Variants in PLOD1 observed in about 807,000 individuals in gnomAD.
PLOD1 encodes lysine hydroxylase.
Under a neutral mutation model 94.7 loss-of-function variants are expected in PLOD1, and 70 were observed. The observed-to-expected ratio is 0.74, with a 90% CI of 0.61 to 0.90. The LOEUF (loss-of-function observed/expected upper bound fraction) is 0.90, where lower values mean the gene tolerates loss of function less well. Ranked by LOEUF, PLOD1 falls within the 40% of genes least tolerant of loss-of-function variation. PLOD1 has a pLI of 0.00. For synonymous variants in PLOD1, 417 were observed against 400.2 expected, an observed-to-expected ratio of 1.04 and a Z score of -0.50; for missense variants, 905 against 972.7, an observed-to-expected ratio of 0.93 and a Z score of 0.93.
chr1:11,947,085 A>G (rs908371913), intron 1 of PLOD1, among the ~76,000 whole-genome samples: 3 of 151,832 alleles, frequency 2.0e-5, no homozygotes, highest in African/African-American at 7.2e-5. Flanking sequence ...CCTGGCCAAC[A>G]TGATGAAACC....
chr1:11,949,447 T>A (rs956421482), intron 2 of PLOD1, among the ~76,000 whole-genome samples: 1 of 151,644 alleles, frequency 6.6e-6, no homozygotes, highest in African/African-American at 2.4e-5. Flanking sequence ...TGAGACGGAG[T>A]GTTGCTCTGT....
Position 11,966,998 on chromosome 1 carries a change from T to G in PLOD1, c.1662T>G (p.Asp554Glu). The G allele has an allele frequency of 6.2e-7, 1 of 1,611,288 alleles. No individual in the cohort carries two copies. Residue 554 changes from aspartate (D) to glutamate (E), a missense_variant, in exon 16 of 19, where the codon GAT becomes GAG. Asp to Glu is a conservative substitution (Grantham distance 45). Coordinates refer to ENST00000196061, the MANE Select transcript of PLOD1 (RefSeq NM_000302.4). ...AGKLVETPCP[D>E]VYWFPIFTEV... ...CCTGCCCTCCCCAGCCCTGCCCGGA[T>G]GTCTATTGGTTCCCCATCTTCACGG...
intron 18 of PLOD1, among the ~76,000 whole-genome samples, chr1:11,973,590 TC>T (rs1194524271): frequency 2.4e-3 from 365 of 152,026 alleles, no homozygotes; most frequent in African/African-American, 8.3e-3. Context: ...CTTTTTTTTT[TC>T]TTTTTCGAGA....
At position 11,945,425 on chromosome 1, in the gene PLOD1, C is replaced by CAA. The variant is rs58172342; in HGVS notation, c.77-2541_77-2540dup. Among the ~76,000 whole-genome samples the CAA allele has an allele frequency of 1.0e-3, 151 of 144,900 alleles. 2 individuals are homozygous for CAA. The highest frequency in any genetic ancestry group is 7.1e-3 in the Middle Eastern group (2 of 282). On this transcript the variant is annotated intron_variant, in intron 1 of 18. Transcript: ENST00000196061. ...GGGCAACGGGAGTGAGATTGGGTCT[C>CAA]AAAAAAAAAAACCCAAAAAACAAAA...
chr1:11,967,875 G>A (rs980063647), intron 16 of PLOD1, among the ~76,000 whole-genome samples: 3 of 150,702 alleles, frequency 2.0e-5, no homozygotes, highest in African/African-American at 7.3e-5. Flanking sequence ...TCAGCTTGCC[G>A]AGTAGCTGGG....
intron 16 of PLOD1, among the ~76,000 whole-genome samples, chr1:11,968,201 A>T (rs1030353519): frequency 4.6e-5 from 7 of 151,932 alleles, no homozygotes; most frequent in African/African-American, 1.7e-4. Context: ...TAAGCTACCC[A>T]CCTCGGCCTC....
intron 1 of PLOD1, among the ~76,000 whole-genome samples, chr1:11,945,815 TCTC>T (rs1645650346): frequency 1.3e-5 from 2 of 152,132 alleles, no homozygotes; most frequent in South Asian, 2.1e-4. Flanking sequence ...TTCAAGCAAT[TCTC>T]CTGTCTCAGC....
intron 1 of PLOD1, among the ~76,000 whole-genome samples, chr1:11,941,340 T>C (rs1039018872): frequency 2.0e-5 from 3 of 147,978 alleles, no homozygotes; most frequent in South Asian, 2.1e-4. Flanking sequence ...ATGTTGCTGC[T>C]TTTTTTTTTG....
chr1:11,950,289 T>A, intron 3 of PLOD1, 68 bp from the exon 4 acceptor site: 3 of 1,483,856 alleles, frequency 2.0e-6, no homozygotes, highest in Non-Finnish European at 2.8e-6. Flanking sequence ...TGGTCCCTCC[T>A]GTCTGTGCCC....
chr1:11,953,915 T>C (rs949212588), intron 5 of PLOD1, among the ~76,000 whole-genome samples: 1 of 151,556 alleles, frequency 6.6e-6, no homozygotes, highest in Non-Finnish European at 1.5e-5. Context: ...CCCAGGCTGA[T>C]GCGCAGTGGC....
chr1:11,945,709 A>T (rs1645648569), intron 1 of PLOD1, among the ~76,000 whole-genome samples: 1 of 151,810 alleles, frequency 6.6e-6, no homozygotes, highest in Non-Finnish European at 1.5e-5. Flanking sequence ...ATTTTTATTT[A>T]TTTTTATTTT....
In PLOD1 at chr1:11,957,841, G is replaced by A. The variant is rs1645749557; in HGVS notation, c.742-1G>A. The A allele has an allele frequency of 6.2e-7, 1 of 1,611,700 alleles. No homozygotes were observed. Among genetic ancestry groups the A allele is most frequent in the South Asian group, 1.1e-5 (1 of 91,046 alleles). On this transcript the variant is annotated splice_acceptor_variant, in intron 7 of 18. Transcript: ENST00000196061. LOFTEE classifies it high-confidence loss of function. This position sits in a 1 kb window ranked among gnomAD's most constrained non-coding sequence, Gnocchi z 4.1. ...TCTGTGACCCCACGTCTCCCCGACAGCTGCAGTTGAACTACCTGGGCAACT... is the reference window on the plus strand; with the variant it reads ...TCTGTGACCCCACGTCTCCCCGACAACTGCAGTTGAACTACCTGGGCAACT...
Position 11,958,007 on chromosome 1 carries a change from A to T in PLOD1, c.843+64A>T. ...GGGCTCAGTCCCCTGAGATGGCGAG[A>T]TGGGTGATTCTGGAATAGACTCCAT... On this transcript the variant is annotated intron_variant, in intron 8 of 18. Coordinates refer to ENST00000196061, the MANE Select transcript of PLOD1 (RefSeq NM_000302.4). The surrounding 1 kb of genome is among the most constrained non-coding windows in gnomAD (Gnocchi z 4.3). 4 of 1,030,668 alleles carry T rather than the reference A, an allele frequency of 3.9e-6. No individual in the cohort carries two copies. Among genetic ancestry groups the T allele is most frequent in the Non-Finnish European group, 6.2e-6 (4 of 647,844 alleles). 63.8% of individuals were successfully genotyped at this position (1,030,668 alleles called of 1,614,324 possible). A position where few individuals can be genotyped will look rare whatever the true frequency, so the allele number is the denominator to read the frequency against.
intron 1 of PLOD1, among the ~76,000 whole-genome samples, chr1:11,946,058 A>G (rs1645652487): frequency 6.6e-6 from 1 of 152,288 alleles, no homozygotes; most frequent in East Asian, 1.9e-4. Flanking sequence ...AAGATTTTAC[A>G]TGCCTGATCT....
intron 14 of PLOD1, among the ~76,000 whole-genome samples, 160 bp from the exon 15 acceptor site, chr1:11,966,091 C>T (rs1312115955): frequency 6.6e-6 from 1 of 152,090 alleles, no homozygotes; most frequent in Non-Finnish European, 1.5e-5. Context: ...ATGGGCACAC[C>T]TGTGCACCCA....
Position 11,972,219 on chromosome 1 carries a change from TC to T in PLOD1, c.1903-652del, listed in dbSNP as rs1247933498. ...CTTCCTTCCTTCCTTCCTCTCTCTC[TC>T]TCTCTCTCTTTCTTTCTCTCTCTCT... On this transcript the variant is annotated intron_variant, in intron 17 of 18. Coordinates refer to ENST00000196061, the MANE Select transcript of PLOD1 (RefSeq NM_000302.4). The surrounding 1 kb of genome is among the most constrained non-coding windows in gnomAD (Gnocchi z 4.6). 6.6e-6 allele frequency: 1 copy of T among 151,722 alleles called. No homozygotes were observed. The highest frequency in any genetic ancestry group is 2.5e-5 in the African/African-American group (1 of 40,592). 9.4% of individuals were successfully genotyped at this position (151,722 alleles called of 1,614,324 possible). A position where few individuals can be genotyped will look rare whatever the true frequency, so the allele number is the denominator to read the frequency against.
chr1:11,937,481 G>A (rs1263966786), intron 1 of PLOD1, among the ~76,000 whole-genome samples: 1 of 152,174 alleles, frequency 6.6e-6, no homozygotes, highest in Non-Finnish European at 1.5e-5. Context: ...AAGGGCTCTC[G>A]GCCTGGGTCC....
Position 11,958,672 on chromosome 1 carries a change from T to TC in PLOD1, c.975+26dup. Reference sequence around the variant, plus strand: ...CGTGAGTAACAGGCGCTCTGTGGGGTCGTCATGTGGCTTAGATCCAGGGCC... The same window carrying TC: ...CGTGAGTAACAGGCGCTCTGTGGGGTCCGTCATGTGGCTTAGATCCAGGGCC... On this transcript the variant is annotated intron_variant, in intron 9 of 18. Transcript: ENST00000196061. This position sits in a 1 kb window ranked among gnomAD's most constrained non-coding sequence, Gnocchi z 4.3. 1 of 1,613,556 alleles carries TC rather than the reference T, an allele frequency of 6.2e-7. No individual in the cohort carries two copies.
chr1:11,956,022 A>G (rs1031711989), intron 6 of PLOD1, among the ~76,000 whole-genome samples: 1 of 150,624 alleles, frequency 6.6e-6, no homozygotes, highest in Admixed American at 6.6e-5. Flanking sequence ...TTGGCCTCCC[A>G]AAGTGCTGGG....
Sources: allele counts gnomAD v4.1 joint callset (sites outside exome capture counted in the v4.1 genomes callset), GRCh38; gene constraint gnomAD v4.1.1; non-coding constraint Gnocchi (gnomAD v3.1); transcripts MANE v1.5; gene names NCBI Gene and HGNC (gene_info 2026-07-23, HGNC 2026-07-21).